The following DYDC2 variants were observed in gnomAD, a reference collection of about 807,000 sequenced individuals.
DYDC2 encodes the protein DPY30 domain containing 2.
Under a neutral mutation model 18.7 loss-of-function variants are expected in DYDC2, and 19 were observed. The ratio of observed to expected loss-of-function variants is 1.02; its 90% CI spans 0.71 to 1.49. The LOEUF is 1.49. Ranked by LOEUF, DYDC2 falls within the 40% of genes most tolerant of loss-of-function variation. The pLI, the probability that DYDC2 is intolerant of heterozygous loss-of-function variation, is 0.00. For synonymous variants in DYDC2, 63 were observed against 67.6 expected (o/e 0.93, Z 0.34); for missense variants, 179 against 205.1 (o/e 0.87, Z 0.78).
chr10:80,363,247 CTT>C (rs1204971735), intron 4 of DYDC2, among the ~76,000 whole-genome samples, 174 bp downstream of exon 4: 1 of 147,716 alleles, frequency 6.8e-6, no homozygotes, highest in Admixed American at 6.8e-5. Context: ...TATTGACAAT[CTT>C]TGTTAATGAA....
At chr10:80,363,114 C>T (rs202043386) in intron 4 of DYDC2, 41 bp downstream of exon 4, 1 of 1,581,722 alleles carries the variant, frequency 6.3e-7, no homozygotes, top group Admixed American at 1.8e-5. Context: ...ACACACATCC[C>T]AGTGATGGAC....
Position 80,356,866 on chromosome 10 carries a change from G to T in DYDC2, c.-163+41G>T, listed in dbSNP as rs1268534081. 6 of 985,440 alleles carry T rather than the reference G, an allele frequency of 6.1e-6. No homozygotes were observed. In the African/African-American group the frequency reaches 1.1e-4, roughly 17 times the overall value. 61.0% of individuals were successfully genotyped at this position (985,440 alleles called of 1,614,324 possible). The stretch of plus-strand genomic sequence containing the variant: ...GCGGTGGGCAGCGAAGGGGGAACGC[G>T]CAGCAGAGAGGAGAGGGCGTGCAGG... On this transcript the variant is annotated intron_variant, in intron 1 of 4. Coordinates refer to ENST00000256039, the MANE Select transcript of DYDC2 (RefSeq NM_032372.6).
intron 2 of DYDC2, 75 bp from the exon 3 acceptor site, chr10:80,362,358 AAT>A: frequency 6.6e-7 from 1 of 1,517,792 alleles, no homozygotes; most frequent in East Asian, 2.3e-5. Flanking sequence ...AATAAATCTG[AAT>A]TGGTTAGAAT....
At chr10:80,361,507 C>T (rs979162580) in intron 2 of DYDC2, among the ~76,000 whole-genome samples, 5 of 152,192 alleles carry the variant, frequency 3.3e-5, no homozygotes, top group Non-Finnish European at 4.4e-5. Context: ...AGGTTTAGCA[C>T]TCATTGACTC....
rs1466328996 is a variant in DYDC2, at chr10:80,367,027, T to C, written c.*76T>C. 2.6e-6 allele frequency: 4 copies of C among 1,525,242 alleles called. No homozygotes were observed. The highest frequency in any genetic ancestry group is 3.5e-6 in the Non-Finnish European group (4 of 1,142,046). 94.5% of individuals were successfully genotyped at this position (1,525,242 alleles called of 1,614,324 possible). ...AGAAAATGGCCAGCTAGAACCAAGA[T>C]TTAAGGGGCTGTAAAAGGCAAGTTC... On this transcript the variant is annotated 3_prime_UTR_variant, in exon 5 of 5. Transcript: ENST00000256039.
intron 4 of DYDC2, among the ~76,000 whole-genome samples, chr10:80,365,235 G>A (rs947576657): frequency 6.6e-6 from 1 of 152,136 alleles, no homozygotes; most frequent in African/African-American, 2.4e-5. Flanking sequence ...TGCTTATCTA[G>A]TGGATGTATC....
intron 4 of DYDC2, among the ~76,000 whole-genome samples, chr10:80,366,470 T>G (rs1843841352): frequency 6.6e-6 from 1 of 152,224 alleles, no homozygotes; most frequent in Non-Finnish European, 1.5e-5. Flanking sequence ...TTGTGTTGTT[T>G]TCCATGAAAA....
Position 80,357,137 on chromosome 10 carries a change from T to C in DYDC2, c.-163+312T>C, listed in dbSNP as rs181552948. Among the ~76,000 whole-genome samples, 330 of 93,856 alleles carry C rather than the reference T, an allele frequency of 3.5e-3. 1 individual carries two copies. The highest frequency in any genetic ancestry group is 0.013 in the African/African-American group (313 of 23,732). 61.6% of individuals were successfully genotyped at this position (93,856 alleles called of 152,430 possible). A position where few individuals can be genotyped will look rare whatever the true frequency, so the allele number is the denominator to read the frequency against. The stretch of plus-strand genomic sequence containing the variant: ...GGCCTGCGGCAGAGATGAGGCGGTG[T>C]GCAGGAGGGAGAGCGCGCACGAGGG... On this transcript the variant is annotated intron_variant, in intron 1 of 4. Coordinates refer to ENST00000256039, the MANE Select transcript of DYDC2 (RefSeq NM_032372.6).
chr10:80,346,440 C>CTTTTTTTTTTTTT (rs370935161), intron 1 of DYDC2, among the ~76,000 whole-genome samples: 1 of 92,416 alleles, frequency 1.1e-5, no homozygotes, highest in African/African-American at 6.1e-5. Flanking sequence ...TGTCTCTTCC[C>CTTTTTTTTTTTTT]TTTCTTTTTT....
intron 3 of DYDC2, 124 bp downstream of exon 3, chr10:80,362,714 G>C (rs1843702016): frequency 6.9e-7 from 1 of 1,447,046 alleles, no homozygotes; most frequent in East Asian, 2.3e-5. Flanking sequence ...CTTGCTCTTA[G>C]AGCCAGATAT....
chr10:80,346,113 A>G (rs1484935179), intron 1 of DYDC2, among the ~76,000 whole-genome samples: 1 of 152,126 alleles, frequency 6.6e-6, no homozygotes. Flanking sequence ...CTCCCAAAGT[A>G]CTGGGATTAC....
upstream of DYDC2, chr10:80,352,546 G>A: frequency 1.2e-6 from 2 of 1,613,430 alleles, no homozygotes; most frequent in South Asian, 2.2e-5. Flanking sequence ...TGCCACTTCT[G>A]CAAGACCTTG....
chr10:80,358,754 G>A (rs1843555883), intron 2 of DYDC2, among the ~76,000 whole-genome samples: 1 of 152,200 alleles, frequency 6.6e-6, no homozygotes, highest in Non-Finnish European at 1.5e-5. Context: ...AAGTCCCAAT[G>A]TGTCCAGAAT....
At chr10:80,355,800 C>T (rs768036383), upstream of DYDC2, among the ~76,000 whole-genome samples, 2 of 152,012 alleles carry the variant, frequency 1.3e-5, no homozygotes, top group African/African-American at 2.4e-5. Context: ...ACTCTAAAAA[C>T]GGAAAACAAA....
At chr10:80,366,098 T>G (rs1388914425) in intron 4 of DYDC2, among the ~76,000 whole-genome samples, 2 of 134,438 alleles carry the variant, frequency 1.5e-5, no homozygotes, top group Non-Finnish European at 3.1e-5. Flanking sequence ...AGTGGCAAGA[T>G]CTTGGCTCAC....
chr10:80,359,627 C>T (rs578155593), intron 2 of DYDC2, among the ~76,000 whole-genome samples: 11 of 152,134 alleles, frequency 7.2e-5, no homozygotes, highest in African/African-American at 1.2e-4. Flanking sequence ...GCTGCATGTC[C>T]GGAGCCCCGT....
upstream of DYDC2, chr10:80,351,887 C>A (rs566657890): frequency 1.2e-4 from 193 of 1,613,708 alleles, 1 homozygote; most frequent in South Asian, 2.1e-3. Context: ...TCTGAACTCT[C>A]CTACTTGCCT....
chr10:80,352,041 C>T (rs199668374), upstream of DYDC2: 61 of 1,593,602 alleles, frequency 3.8e-5, no homozygotes, highest in South Asian at 5.6e-4. Context: ...GACTTCTTAG[C>T]GAGAAAGCAA....
At chr10:80,352,712 C>CTCAG (rs1210067268), upstream of DYDC2, 3 of 1,362,570 alleles carry the variant, frequency 2.2e-6, no homozygotes, top group African/African-American at 4.5e-5. Flanking sequence ...ACACCCTGCC[C>CTCAG]TCAGTCATGG....
Sources: allele counts gnomAD v4.1 joint callset (sites outside exome capture counted in the v4.1 genomes callset), GRCh38; gene constraint gnomAD v4.1.1; transcripts MANE v1.5; gene names NCBI Gene and HGNC (gene_info 2026-07-23, HGNC 2026-07-21).